Variants in ZNF534 observed in about 807,000 individuals in gnomAD.
ZNF534 encodes KRAB domain only 3.
Under a neutral mutation model 13.6 loss-of-function variants are expected in ZNF534, and 19 were observed. The ratio of observed to expected loss-of-function variants is 1.40; its 90% CI spans 0.97 to 2.05. ZNF534 has a LOEUF of 2.05. ZNF534 is among the 30% of genes most tolerant of loss of function. ZNF534 has a pLI of 0.00. For missense variants in ZNF534, 782 were observed against 796.3 expected, an observed-to-expected ratio of 0.98 and a Z score of 0.22; for synonymous variants, 244 against 273.8, an observed-to-expected ratio of 0.89 and a Z score of 1.07.
At chr19:52,432,055 T>TTA (rs200149884) in intron 2 of ZNF534, among the ~76,000 whole-genome samples, 24 of 150,610 alleles carry the variant, frequency 1.6e-4, no homozygotes, top group South Asian at 4.2e-4. Flanking sequence ...CATGTCATCA[T>TTA]TATATATATA....
intron 4 of ZNF534, among the ~76,000 whole-genome samples, chr19:52,449,436 TGA>T: frequency 6.6e-6 from 1 of 151,010 alleles, no homozygotes; most frequent in Non-Finnish European, 1.5e-5. Flanking sequence ...TGTAGTTTAT[TGA>T]AGAACATCCA....
At chr19:52,449,614 T>G (rs956456199) in intron 4 of ZNF534, among the ~76,000 whole-genome samples, 8 of 152,216 alleles carry the variant, frequency 5.3e-5, no homozygotes, top group Non-Finnish European at 5.9e-5. Flanking sequence ...TGATTTGCAT[T>G]TACCTGATGA....
In ZNF534 at chr19:52,434,068, C is replaced by T. The variant is rs547933835; in HGVS notation, c.129C>T (p.Asn43=). ...ACGTGATGTTAGAGAACTACAGGAA[C>T]CTGGTCTCCCTAGGTGAGGATAATG... ...YRDVMLENYR[N]LVSLGICLPD... is the part of the protein sequence containing the mutation. Residue 43 remains asparagine (N), a synonymous_variant, in exon 3 of 5, where the codon AAC becomes AAT. Transcript: ENST00000433050. The T allele has an allele frequency of 6.2e-7, 1 of 1,614,016 alleles. No homozygotes were observed. The highest frequency in any genetic ancestry group is 1.7e-5 in the Admixed American group (1 of 60,004).
Position 52,438,699 on chromosome 19 carries a change from T to C in ZNF534, c.1239T>C (p.Asn413=), listed in dbSNP as rs1218865536. ...IHTGGRRYKC[N]ECGKAFRTCS... ...CTGGGGGGAGGCGTTACAAATGTAATGAATGTGGCAAAGCATTTAGAACGT... is the reference window on the plus strand; with the variant it reads ...CTGGGGGGAGGCGTTACAAATGTAACGAATGTGGCAAAGCATTTAGAACGT... The change falls in exon 5 of 5, where the codon AAT becomes AAC. Residue 413 remains asparagine, a synonymous_variant. Transcript: ENST00000433050. The C allele has an allele frequency of 6.3e-7, 1 of 1,583,248 alleles. No individual in the cohort carries two copies. The highest frequency in any genetic ancestry group is 1.4e-5 in the African/African-American group (1 of 73,862).
At chr19:52,432,259 C>G (rs926252276) in intron 2 of ZNF534, among the ~76,000 whole-genome samples, 1 of 152,032 alleles carries the variant, frequency 6.6e-6, no homozygotes, top group African/African-American at 2.4e-5. Context: ...AACTATTAGG[C>G]AATTCCATGT....
downstream of ZNF534, among the ~76,000 whole-genome samples, chr19:52,444,596 G>A (rs2059187673): frequency 6.6e-6 from 1 of 151,978 alleles, no homozygotes; most frequent in Non-Finnish European, 1.5e-5. Flanking sequence ...CAGTTACCAG[G>A]GTGGGTAAGG....
chr19:52,448,750 A>G (rs866246419), intron 4 of ZNF534, among the ~76,000 whole-genome samples: 3 of 152,182 alleles, frequency 2.0e-5, no homozygotes, highest in Non-Finnish European at 4.4e-5. Flanking sequence ...AACATTTTCA[A>G]TGGTATTTAT....
At chr19:52,451,284 A>G (rs1303588380) in exon 5 of ZNF534, 2 of 1,054,740 alleles carry the variant, frequency 1.9e-6, no homozygotes, top group Non-Finnish European at 2.9e-6. Flanking sequence ...ACTTTGTGGG[A>G]AATGACTCCC....
chr19:52,439,017 G>A lies in ZNF534; in HGVS notation c.1557G>A (p.Glu519=), dbSNP rs1599866498. Residue 519 remains glutamate (E), a synonymous_variant, in exon 5 of 5, where the codon GAG becomes GAA. Transcript: ENST00000433050. Reference sequence around the variant, plus strand: ...AACATAGGGATATTCATACTGGAGAGAAGCCTTACAGTTGTAATGAATGTG... The same window carrying A: ...AACATAGGGATATTCATACTGGAGAAAAGCCTTACAGTTGTAATGAATGTG... ...LAQHRDIHTG[E]KPYSCNECGK... is the part of the protein sequence containing the mutation. 1 of 1,601,986 alleles carries A rather than the reference G, an allele frequency of 6.2e-7. No individual in the cohort carries two copies. The highest frequency in any genetic ancestry group is 1.3e-5 in the African/African-American group (1 of 74,558).
chr19:52,447,388 A>G (rs776024711), downstream of ZNF534, among the ~76,000 whole-genome samples: 2 of 152,186 alleles, frequency 1.3e-5, no homozygotes, highest in Admixed American at 6.5e-5. Flanking sequence ...ACTGGGTACA[A>G]TTTCTAATGG....
In ZNF534 at chr19:52,441,529, C is replaced by T. The variant is rs996869126; in HGVS notation, c.*2083C>T. 6.6e-5 allele frequency among the ~76,000 whole-genome samples: 10 copies of T among 151,932 alleles called. No homozygotes were observed. Among genetic ancestry groups the T allele is most frequent in the African/African-American group, 2.4e-4 (10 of 41,238 alleles). ...GACCCTATCTACAAATATAAACAAACAATGTGAAACGTCTTCAGTCACAAG... is the reference window on the plus strand; with the variant it reads ...GACCCTATCTACAAATATAAACAAATAATGTGAAACGTCTTCAGTCACAAG... On this transcript the variant is annotated 3_prime_UTR_variant, in exon 5 of 5. Transcript: ENST00000433050.
chr19:52,437,962 C>G lies in ZNF534; in HGVS notation c.502C>G (p.Leu168Val), dbSNP rs1568444380. The G allele has an allele frequency of 6.2e-7, 1 of 1,613,526 alleles. No homozygotes were observed. Among genetic ancestry groups the G allele is most frequent in the African/African-American group, 1.3e-5 (1 of 74,972 alleles). ...TTTTAATAACTACAGAAATGATTTT[C>G]TTTTTTCTACATTACTCCCACAAGA... is the stretch of plus-strand genomic sequence containing the variant. Reference protein sequence around the residue: ...HIFNNYRNDFLFSTLLPQEQK... With the variant: ...HIFNNYRNDFVFSTLLPQEQK... Residue 168 changes from leucine to valine, a missense_variant, in exon 5 of 5, where the codon CTT (leucine) becomes GTT (valine). Physicochemically the swap from Leu to Val is conservative, Grantham distance 32. Around this residue, in one of 5 missense-constraint regions of ZNF534, gnomAD observed 591 missense variants for 574.0 expected, o/e 1.03. Transcript: ENST00000433050.
In ZNF534 at chr19:52,439,098, A is replaced by G; in HGVS notation, c.1638A>G (p.Gly546=). The part of the protein sequence containing the change: ...HLVRHRNVHT[G]EKPYSCNECG... ...TGCGACATAGGAATGTTCATACTGG[A>G]GAAAAGCCTTACAGTTGTAATGAAT... The change falls in exon 5 of 5, where the codon GGA becomes GGG. Residue 546 remains glycine, a synonymous_variant. Transcript: ENST00000433050. The G allele has an allele frequency of 1.3e-6, 2 of 1,594,998 alleles. No homozygotes were observed. The highest frequency in any genetic ancestry group is 1.7e-6 in the Non-Finnish European group (2 of 1,170,156).
In ZNF534 at chr19:52,439,598, A is replaced by G. The variant is rs2059158573; in HGVS notation, c.*152A>G. ...CTCTACTAAAAATACAAAAAAAAAA[A>G]AAAAAAAAAAATTAGCTGGGTGTGG... On this transcript the variant is annotated 3_prime_UTR_variant, in exon 5 of 5. Coordinates refer to ENST00000433050, the MANE Select transcript of ZNF534 (RefSeq NM_001143938.3). Among the ~76,000 whole-genome samples the G allele has an allele frequency of 6.6e-6, 1 of 151,268 alleles. No homozygotes were observed. Among genetic ancestry groups the G allele is most frequent in the African/African-American group, 2.4e-5 (1 of 41,160 alleles).
intron 3 of ZNF534, among the ~76,000 whole-genome samples, chr19:52,434,601 C>T (rs762619135): frequency 6.7e-6 from 1 of 148,980 alleles, no homozygotes; most frequent in Non-Finnish European, 1.5e-5. Context: ...CATGGTGGTA[C>T]ATGCCTGTAG....
At chr19:52,451,194 A>G (rs1568450672) in exon 5 of ZNF534, 1 of 680,706 alleles carries the variant, frequency 1.5e-6, no homozygotes, top group Non-Finnish European at 2.7e-6. Flanking sequence ...TAGATTTTTC[A>G]CTTCTGGCCT....
rs556794483 is a variant in ZNF534 at position 52,431,331 on chromosome 19, T to C, written c.-67-77T>C. ...ACCATCCTTCCAGAAGGTGAAGTCT[T>C]CCCTTTTTGTGTGGCTGTGGCACAG... On this transcript the variant is annotated intron_variant, in intron 1 of 4. Transcript: ENST00000433050. 19 of 1,083,652 alleles carry C rather than the reference T, an allele frequency of 1.8e-5. No homozygotes were observed. The East Asian group carries it at 4.9e-4, about 28-fold the overall frequency. 67.1% of individuals were successfully genotyped at this position (1,083,652 alleles called of 1,614,324 possible).
Position 52,441,202 on chromosome 19 carries a change from C to T in ZNF534, c.*1756C>T, listed in dbSNP as rs2059170696. 6.6e-6 allele frequency among the ~76,000 whole-genome samples: 1 copy of T among 152,162 alleles called. No homozygotes were observed. Among genetic ancestry groups the T allele is most frequent in the Non-Finnish European group, 1.5e-5 (1 of 68,034 alleles). ...TACAGGCATGAGCTGCTGCACCCAG[C>T]TTGAGAAATCATATGAATATATGGA... is the stretch of plus-strand genomic sequence containing the variant. On this transcript the variant is annotated 3_prime_UTR_variant, in exon 5 of 5. Transcript: ENST00000433050.
At chr19:52,431,293 T>G in intron 1 of ZNF534, 115 bp from the exon 2 acceptor site, 1 of 739,906 alleles carries the variant, frequency 1.4e-6, no homozygotes, top group Admixed American at 2.7e-5. Context: ...AGATCAACAG[T>G]AGGCAGCAGA....
Sources: gnomAD v4.1 joint callset for allele counts (sites outside exome capture counted in the v4.1 genomes callset) on GRCh38, gnomAD v4.1.1 for gene constraint, gnomAD v4.1.1 regional missense constraint, MANE v1.5 for transcripts, NCBI Gene and HGNC (gene_info 2026-07-23, HGNC 2026-07-21) for gene names.